LSG1: variants seen among roughly 807,000 people sequenced by gnomAD.
The protein encoded by LSG1 is large 60S subunit nuclear export GTPase 1, also known as large subunit GTPase 1 homolog.
A neutral mutation model predicts 82.6 loss-of-function variants in LSG1; 55 were observed. That is an observed-to-expected ratio of 0.67 (90% CI 0.54 to 0.83). The LOEUF (loss-of-function observed/expected upper bound fraction) is 0.83, where lower values mean the gene tolerates loss of function less well. Ranked by LOEUF, LSG1 falls within the 40% of genes least tolerant of loss-of-function variation. LSG1 has a pLI of 0.00. For synonymous variants in LSG1, 272 were observed against 282.5 expected (o/e 0.96, Z 0.37); for missense variants, 809 against 807.9 (o/e 1.00, Z -0.02).
rs910603536 is a variant in LSG1 at position 194,641,758 on chromosome 3, T to C, written c.*310A>G. ...CCTCCCGAGTAGCTGGGATTACAGG[T>C]GCGCGCCACCACGCCTGGCTAATTT... On this transcript the variant is annotated 3_prime_UTR_variant, in exon 14 of 14. Transcript: ENST00000265245. 4.3e-4 allele frequency: 84 copies of C among 194,292 alleles called. No homozygotes were observed. Among genetic ancestry groups the C allele is most frequent in the South Asian group, 8.3e-4 (6 of 7,238 alleles). The allele number at this position is 194,292 out of a possible 1,614,324, so 12.0% of individuals were successfully genotyped here. A position where few individuals can be genotyped will look rare whatever the true frequency, so the allele number is the denominator to read the frequency against.
At chr3:194,661,288 G>C (rs1259689415) in intron 5 of LSG1, among the ~76,000 whole-genome samples, 1 of 151,994 alleles carries the variant, frequency 6.6e-6, no homozygotes, top group Non-Finnish European at 1.5e-5. Context: ...CTTTCAAACT[G>C]GATATTTAAT....
rs1560219787 is a variant in LSG1, at chr3:194,645,561, CACACACACAGACAG to C, written c.1623+589_1623+602del. ...ACACACACACACACACACACACACA[CACACACACAGACAG>C]ACACACACACACACACACACACACA... On this transcript the variant is annotated intron_variant, in intron 12 of 13. Transcript: ENST00000265245. Among the ~76,000 whole-genome samples, 102 of 61,466 alleles carry C rather than the reference CACACACACAGACAG, an allele frequency of 1.7e-3. 6 individuals are homozygous for C. The Middle Eastern group carries it at 0.028, about 17-fold the overall frequency. The allele number at this position is 61,466 out of a possible 152,430, so 40.3% of individuals were successfully genotyped here. A position where few individuals can be genotyped will look rare whatever the true frequency, so the allele number is the denominator to read the frequency against.
Position 194,649,665 on chromosome 3 carries a change from G to C in LSG1, c.1420-861C>G, listed in dbSNP as rs376331533. ...AGATTGCACCACTGTACTCCAGCCT[G>C]GGTGACAGAGCGAGACTCCATCTCA... On this transcript the variant is annotated intron_variant, in intron 10 of 13. Coordinates refer to ENST00000265245, the MANE Select transcript of LSG1 (RefSeq NM_018385.3). Among the ~76,000 whole-genome samples, 19 of 152,046 alleles carry C rather than the reference G, an allele frequency of 1.2e-4. 1 individual carries two copies. The highest frequency in any genetic ancestry group is 1.2e-3 in the South Asian group (6 of 4,810).
chr3:194,660,249 T>A, intron 5 of LSG1, 116 bp from the exon 6 acceptor site: 1 of 784,816 alleles, frequency 1.3e-6, no homozygotes, highest in Non-Finnish European at 2.2e-6. Context: ...GGACATATAT[T>A]AACTTTTTAA....
At chr3:194,667,473 T>TA (rs1719053150) in intron 2 of LSG1, among the ~76,000 whole-genome samples, 1 of 152,230 alleles carries the variant, frequency 6.6e-6, no homozygotes, top group Non-Finnish European at 1.5e-5. Context: ...TACACACCCT[T>TA]ACACTTCTCT....
intron 1 of LSG1, 34 bp downstream of exon 1, chr3:194,672,030 G>T: frequency 6.3e-7 from 1 of 1,591,658 alleles, no homozygotes; most frequent in African/African-American, 1.3e-5. Flanking sequence ...AGGCTAGACA[G>T]AAAAGATAAG....
chr3:194,665,346 C>A (rs1719009884), intron 5 of LSG1, among the ~76,000 whole-genome samples: 1 of 152,170 alleles, frequency 6.6e-6, no homozygotes, highest in Non-Finnish European at 1.5e-5. Context: ...AGAAAATGTT[C>A]ATTATTCTCA....
chr3:194,662,075 C>T (rs1432296339), intron 5 of LSG1, among the ~76,000 whole-genome samples: 1 of 152,186 alleles, frequency 6.6e-6, no homozygotes, highest in African/African-American at 2.4e-5. Flanking sequence ...AAGAAGCAAA[C>T]CTGTTCATGC....
intron 12 of LSG1, 36 bp downstream of exon 12, chr3:194,646,128 G>A: frequency 6.3e-7 from 1 of 1,587,940 alleles, no homozygotes; most frequent in Non-Finnish European, 8.6e-7. Flanking sequence ...GAAAAGACTT[G>A]TGTATTGGAG....
chr3:194,653,514 AC>A (rs1196522167), intron 7 of LSG1, among the ~76,000 whole-genome samples: 18 of 86,620 alleles, frequency 2.1e-4, no homozygotes, highest in Non-Finnish European at 4.3e-4. Flanking sequence ...GCTCTGTCTC[AC>A]AAAAAAAAAA....
At chr3:194,669,291 G>A (rs774748799) in intron 2 of LSG1, among the ~76,000 whole-genome samples, 2 of 151,926 alleles carry the variant, frequency 1.3e-5, no homozygotes, top group East Asian at 1.9e-4. Flanking sequence ...ATAACCAAAC[G>A]TCACACTATA....
chr3:194,671,998 G>T, intron 1 of LSG1, 66 bp downstream of exon 1: 2 of 1,466,062 alleles, frequency 1.4e-6, no homozygotes, highest in South Asian at 1.1e-5. Flanking sequence ...TCTGACTTTT[G>T]ACCCCGAATT....
Position 194,648,762 on chromosome 3 carries a change from C to T in LSG1, c.1462G>A (p.Gly488Ser), listed in dbSNP as rs764554682. 3.1e-6 allele frequency: 5 copies of T among 1,614,028 alleles called. No homozygotes were observed. The highest frequency in any genetic ancestry group is 1.7e-6 in the Non-Finnish European group (2 of 1,179,962). ...TCTCTAGGCGTTATGATGTTAATGC[C>T]ATAGGTAGCTTCTAAAACATGTCTT... is the stretch of plus-strand genomic sequence containing the variant. ...IPRHVLEATY[G>S]INIITPREDE... is the part of the protein sequence containing the mutation. Residue 488 changes from glycine to serine, a missense_variant, in exon 11 of 14, where the codon GGC becomes AGC. Gly to Ser is a moderately conservative substitution (Grantham distance 56). Transcript: ENST00000265245.
At position 194,652,769 on chromosome 3, in the gene LSG1, G is replaced by A; in HGVS notation, c.1133C>T (p.Thr378Ile). ...TTGCCCATCTTTCACCTTTCTCCCA[G>A]TGTGTAGCTCCTTAAAGAGCTCCAG... ...ELLELFKELHTGRKVKDGQLT... is the reference protein window; with the variant it reads ...ELLELFKELHIGRKVKDGQLT... Residue 378 changes from threonine to isoleucine, a missense_variant, in exon 8 of 14, where the codon ACT (threonine) becomes ATT (isoleucine). Transcript: ENST00000265245. 6.2e-7 allele frequency: 1 copy of A among 1,614,060 alleles called. No individual in the cohort carries two copies. Among genetic ancestry groups the A allele is most frequent in the Non-Finnish European group, 8.5e-7 (1 of 1,179,972 alleles).
At position 194,644,620 on chromosome 3, in the gene LSG1, T is replaced by C. The variant is rs1480505958; in HGVS notation, c.1750A>G (p.Lys584Glu). ...EIKMQLGRNK[K>E]AKQIENIVDK... is the part of the protein sequence containing the mutation. ...ACGATATTTTCAATCTGCTTTGCTT[T>C]TTTATTTCTGCCTAGCTGCATTTTT... Residue 584 changes from lysine (K) to glutamate (E), a missense_variant, in exon 13 of 14, where the codon AAA becomes GAA. Coordinates refer to ENST00000265245, the MANE Select transcript of LSG1 (RefSeq NM_018385.3). 1 of 1,613,090 alleles carries C rather than the reference T, an allele frequency of 6.2e-7. No homozygotes were observed.
Position 194,665,587 on chromosome 3 carries a change from CA to C in LSG1, c.490del (p.Trp164GlyfsTer17). 1 of 1,613,376 alleles carries C rather than the reference CA, an allele frequency of 6.2e-7. No homozygotes were observed. Among genetic ancestry groups the C allele is most frequent in the Non-Finnish European group, 8.5e-7 (1 of 1,179,786 alleles). On this transcript the variant is annotated frameshift_variant, in exon 5 of 14. Transcript: ENST00000265245. LOFTEE classifies it high-confidence loss of function. Reference sequence around the variant, plus strand: ...CTCAATGACTCTCCAGAGCTGGCGCCAAAAGTCCAAATTTCGTTCAAATGGA... The same window carrying C: ...CTCAATGACTCTCCAGAGCTGGCGCCAAAGTCCAAATTTCGTTCAAATGGA... The part of the protein sequence containing the change: ...LTPFERNLDF[W>X]RQLWRVIERS...
chr3:194,666,649 G>C (rs1467204104), intron 2 of LSG1, 77 bp from the exon 3 acceptor site: 18 of 1,247,808 alleles, frequency 1.4e-5, no homozygotes, highest in Non-Finnish European at 1.8e-5. Flanking sequence ...GATAAACTGA[G>C]AAAACTAAAA....
intron 5 of LSG1, among the ~76,000 whole-genome samples, chr3:194,661,547 T>G (rs1248129924): frequency 6.6e-6 from 1 of 152,226 alleles, no homozygotes; most frequent in Non-Finnish European, 1.5e-5. Flanking sequence ...GAAGACAGTG[T>G]TCCGCCCTCA....
At position 194,670,152 on chromosome 3, in the gene LSG1, G is replaced by C. The variant is rs202057261; in HGVS notation, c.100-17C>G. On this transcript the variant is annotated splice_polypyrimidine_tract_variant and intron_variant, in intron 1 of 13. Transcript: ENST00000265245. ...TGTGTGCAACTATGAAAAAACACAG[G>C]GTGATAAATACAGCTGCTCTCTTCT... The C allele has an allele frequency of 4.3e-5, 69 of 1,612,796 alleles. No individual in the cohort carries two copies. Among genetic ancestry groups the C allele is most frequent in the Middle Eastern group, 3.3e-4 (2 of 6,054 alleles).
Sources: gnomAD v4.1 joint callset for allele counts (sites outside exome capture counted in the v4.1 genomes callset) on GRCh38, gnomAD v4.1.1 for gene constraint, MANE v1.5 for transcripts, NCBI Gene and HGNC (gene_info 2026-07-23, HGNC 2026-07-21) for gene names.